PRKCA: variants seen among roughly 807,000 people sequenced by gnomAD.
PRKCA encodes protein kinase C alpha.
Under a neutral mutation model 87.0 loss-of-function variants are expected in PRKCA, and 27 were observed. The ratio of observed to expected loss-of-function variants is 0.31; its 90% CI spans 0.23 to 0.43. The LOEUF is 0.43. Among genes scored for constraint, PRKCA ranks in the 20% least tolerant of loss-of-function variants. The probability of loss-of-function intolerance (pLI) is 1.00; values close to 1 mark genes in which losing one functional copy is unlikely to be tolerated. For missense variants in PRKCA, 518 were observed against 852.3 expected, an observed-to-expected ratio of 0.61 and a Z score of 4.88; for synonymous variants, 329 against 311.1, an observed-to-expected ratio of 1.06 and a Z score of -0.61.
intron 13 of PRKCA, among the ~76,000 whole-genome samples, chr17:66,745,510 T>C (rs1974258207): frequency 6.6e-6 from 1 of 151,952 alleles, no homozygotes. Flanking sequence ...TGAAACCCCA[T>C]CTCTACTAAA....
At chr17:66,564,101 CAG>C (rs1483156398) in intron 3 of PRKCA, among the ~76,000 whole-genome samples, 3 of 151,394 alleles carry the variant, frequency 2.0e-5, no homozygotes, top group Non-Finnish European at 4.4e-5. Context: ...TCTTTCGAGA[CAG>C]AGTCTCGCTC....
At position 66,689,050 on chromosome 17, in the gene PRKCA, G is replaced by A. The variant is rs952687840; in HGVS notation, c.918+3G>A. The A allele has an allele frequency of 1.3e-6, 2 of 1,579,654 alleles. No homozygotes were observed. Among genetic ancestry groups the A allele is most frequent in the Middle Eastern group, 1.7e-4 (1 of 6,006 alleles). On this transcript the variant is annotated splice_donor_region_variant and intron_variant, in intron 8 of 16. Transcript: ENST00000413366. The surrounding 1 kb of genome is among the most constrained non-coding windows in gnomAD (Gnocchi z 4.1). ...TGGAACTCAGGCAGAAATTCGAGGT[G>A]AGGATAACAAAATGCCCGGAAACAC...
intron 5 of PRKCA, among the ~76,000 whole-genome samples, chr17:66,683,485 G>C (rs909368542): frequency 3.9e-4 from 60 of 152,160 alleles, no homozygotes; most frequent in Admixed American, 1.5e-3. Flanking sequence ...TGAAGGTGGG[G>C]CCCAGGGATC....
intron 2 of PRKCA, among the ~76,000 whole-genome samples, chr17:66,420,193 T>C (rs904868040): frequency 6.6e-6 from 1 of 152,000 alleles, no homozygotes; most frequent in African/African-American, 2.4e-5. Context: ...GTATTTTTAG[T>C]AGAGACGGAG....
At chr17:66,619,067 A>T (rs1051665125) in intron 3 of PRKCA, among the ~76,000 whole-genome samples, 7 of 151,134 alleles carry the variant, frequency 4.6e-5, no homozygotes, top group Non-Finnish European at 7.4e-5. Context: ...TATAGATTTT[A>T]AAAAATCTCA....
At position 66,690,639 on chromosome 17, in the gene PRKCA, C is replaced by A. The variant is rs1466846255; in HGVS notation, c.918+1592C>A. 3.3e-5 allele frequency among the ~76,000 whole-genome samples: 5 copies of A among 152,094 alleles called. No individual in the cohort carries two copies. The South Asian group carries it at 1.0e-3, about 32-fold the overall frequency. The stretch of plus-strand genomic sequence containing the variant: ...CTTGAGGTCAGGAGTTCAAGACTGG[C>A]CAACATGGCGAAACCCAATCTCTAC... On this transcript the variant is annotated intron_variant, in intron 8 of 16. Coordinates refer to ENST00000413366, the MANE Select transcript of PRKCA (RefSeq NM_002737.3).
rs1968391655 is a variant in PRKCA at position 66,553,075 on chromosome 17, G to A, written c.288+56792G>A. Among the ~76,000 whole-genome samples, 7 of 151,944 alleles carry A rather than the reference G, an allele frequency of 4.6e-5. No homozygotes were observed. The South Asian group carries it at 1.5e-3, about 32-fold the overall frequency. The stretch of plus-strand genomic sequence containing the variant: ...TGGCTCACTGCAACCTCTGCCCCCT[G>A]GGTTCAAGCGATTCTTCTGCCTCAG... On this transcript the variant is annotated intron_variant, in intron 3 of 16. Coordinates refer to ENST00000413366, the MANE Select transcript of PRKCA (RefSeq NM_002737.3).
intron 8 of PRKCA, among the ~76,000 whole-genome samples, chr17:66,697,487 C>T (rs1029060477): frequency 3.3e-5 from 5 of 152,192 alleles, no homozygotes; most frequent in African/African-American, 1.2e-4. Flanking sequence ...TATTACCCCT[C>T]CCTCAAAGCA....
chr17:66,371,399 T>C (rs748185012), intron 2 of PRKCA, among the ~76,000 whole-genome samples: 11 of 152,208 alleles, frequency 7.2e-5, no homozygotes, highest in Non-Finnish European at 1.5e-4. Context: ...ATAAGACTCA[T>C]TCAAAATGAT....
chr17:66,504,677 G>A (rs953177547), intron 3 of PRKCA, among the ~76,000 whole-genome samples: 1 of 152,136 alleles, frequency 6.6e-6, no homozygotes, highest in Non-Finnish European at 1.5e-5. Flanking sequence ...AGCAGGGAGA[G>A]AGCCAGCCTG....
chr17:66,537,567 T>A (rs916718835), intron 3 of PRKCA, among the ~76,000 whole-genome samples: 3 of 152,224 alleles, frequency 2.0e-5, no homozygotes, highest in African/African-American at 7.2e-5. Context: ...CCGTGTGGTC[T>A]TCAGAGCATG....
At chr17:66,785,973 C>T (rs900347284) in intron 14 of PRKCA, among the ~76,000 whole-genome samples, 4 of 152,184 alleles carry the variant, frequency 2.6e-5, no homozygotes, top group Non-Finnish European at 2.9e-5. Flanking sequence ...GGACTACAGG[C>T]GCTCGCCACC....
chr17:66,740,577 G>T (rs1219167442), intron 11 of PRKCA, among the ~76,000 whole-genome samples: 1 of 152,214 alleles, frequency 6.6e-6, no homozygotes, highest in Non-Finnish European at 1.5e-5. Flanking sequence ...CTTTAAAAGT[G>T]TGAAGGGGGA....
chr17:66,591,476 A>C (rs998605261), intron 3 of PRKCA, among the ~76,000 whole-genome samples: 1 of 152,130 alleles, frequency 6.6e-6, no homozygotes, highest in Non-Finnish European at 1.5e-5. Context: ...CAGCTTGTTA[A>C]TACTTACAAG....
chr17:66,424,436 C>T (rs1026159172), intron 2 of PRKCA, among the ~76,000 whole-genome samples: 7 of 151,942 alleles, frequency 4.6e-5, no homozygotes, highest in African/African-American at 1.4e-4. Flanking sequence ...GGCATGATGG[C>T]GGCATCTGTA....
At position 66,663,211 on chromosome 17, in the gene PRKCA, C is replaced by T. The variant is rs550759046; in HGVS notation, c.529+17700C>T. Among the ~76,000 whole-genome samples the T allele has an allele frequency of 1.4e-4, 22 of 152,294 alleles. No individual in the cohort carries two copies. The East Asian group carries it at 3.1e-3, about 21-fold the overall frequency. On this transcript the variant is annotated intron_variant, in intron 5 of 16. Coordinates refer to ENST00000413366, the MANE Select transcript of PRKCA (RefSeq NM_002737.3). ...TCCTCTCCAGCCTCAAAGGTTCATG[C>T]GCCTTGTCCCTCAGATAAAGGTGCT...
chr17:66,429,038 A>G (rs1372572360), intron 2 of PRKCA, among the ~76,000 whole-genome samples: 1 of 152,022 alleles, frequency 6.6e-6, no homozygotes, highest in Non-Finnish European at 1.5e-5. Context: ...GTGATAAAGA[A>G]CACCTTTTTT....
At chr17:66,791,666 C>T (rs566428126) in intron 16 of PRKCA, among the ~76,000 whole-genome samples, 10 of 152,350 alleles carry the variant, frequency 6.6e-5, no homozygotes, top group East Asian at 1.9e-4. Flanking sequence ...CCGCCTTCAG[C>T]GGTCTCTGAG....
chr17:66,381,166 T>G (rs1259446304), intron 2 of PRKCA, among the ~76,000 whole-genome samples: 1 of 152,092 alleles, frequency 6.6e-6, no homozygotes, highest in African/African-American at 2.4e-5. Context: ...GGTCTCAAAC[T>G]CTTGGCCTCA....
Sources: allele counts gnomAD v4.1 joint callset (sites outside exome capture counted in the v4.1 genomes callset), GRCh38; gene constraint gnomAD v4.1.1; non-coding constraint Gnocchi (gnomAD v3.1); transcripts MANE v1.5; gene names NCBI Gene and HGNC (gene_info 2026-07-23, HGNC 2026-07-21).